TGFB2: variants seen among roughly 807,000 people sequenced by gnomAD.
TGFB2 encodes the protein transforming growth factor beta 2.
In TGFB2, 13 loss-of-function variants were observed where a neutral mutation model predicts 42.7. The observed-to-expected ratio is 0.30, with a 90% CI of 0.20 to 0.48. The LOEUF (loss-of-function observed/expected upper bound fraction) is 0.48. Among genes scored for constraint, TGFB2 ranks in the 20% least tolerant of loss-of-function variants. TGFB2 has a pLI of 0.99. For synonymous variants in TGFB2, 193 were observed against 193.6 expected, an observed-to-expected ratio of 1.00 and a Z score of 0.03; for missense variants, 390 against 517.5, an observed-to-expected ratio of 0.75 and a Z score of 2.39.
At chr1:218,397,640 A>C (rs1415616595) in intron 1 of TGFB2, among the ~76,000 whole-genome samples, 1 of 151,578 alleles carries the variant, frequency 6.6e-6, no homozygotes, top group African/African-American at 2.4e-5. Flanking sequence ...CTTCTGTCGT[A>C]TATTTCAGCA....
intron 2 of TGFB2, among the ~76,000 whole-genome samples, chr1:218,411,928 T>G (rs553370921): frequency 4.0e-5 from 6 of 151,306 alleles, no homozygotes; most frequent in Non-Finnish European, 8.8e-5. Flanking sequence ...CTTACTCTAT[T>G]AATCAAATGA....
intron 1 of TGFB2, among the ~76,000 whole-genome samples, chr1:218,390,148 C>T (rs1184235712): frequency 6.6e-6 from 1 of 152,134 alleles, no homozygotes; most frequent in African/African-American, 2.4e-5. Context: ...CACAGAACAG[C>T]CATTGACTTG....
chr1:218,412,339 C>A (rs778981525), intron 2 of TGFB2, among the ~76,000 whole-genome samples: 4 of 152,174 alleles, frequency 2.6e-5, no homozygotes, highest in African/African-American at 9.6e-5. Context: ...CTTTCGTGGG[C>A]AGACATGTAA....
intron 2 of TGFB2, among the ~76,000 whole-genome samples, chr1:218,412,988 A>G (rs1364701161): frequency 6.6e-6 from 1 of 152,220 alleles, no homozygotes; most frequent in Admixed American, 6.5e-5. Flanking sequence ...AGGTGTCTCC[A>G]TGTGGTCTTC....
chr1:218,421,715 T>C (rs1659461037), intron 2 of TGFB2, among the ~76,000 whole-genome samples: 1 of 152,108 alleles, frequency 6.6e-6, no homozygotes, highest in Non-Finnish European at 1.5e-5. Flanking sequence ...GATTTGAAAA[T>C]AGGCTCATTG....
At position 218,346,640 on chromosome 1, in the gene TGFB2, TG is replaced by T; in HGVS notation, c.-61del. ...TCTCCTTGATCTATACTTTGAGAAT[TG>T]TTGATTTCTTTTTTTTATTCTGACT... On this transcript the variant is annotated 5_prime_UTR_variant, in exon 1 of 7. Transcript: ENST00000366930. This position sits in a 1 kb window ranked among gnomAD's most constrained non-coding sequence, Gnocchi z 4.9. 8 of 1,425,982 alleles carry T rather than the reference TG, an allele frequency of 5.6e-6. No homozygotes were observed. The highest frequency in any genetic ancestry group is 7.6e-6 in the Non-Finnish European group (8 of 1,047,696). 88.3% of individuals were successfully genotyped at this position (1,425,982 alleles called of 1,614,324 possible).
At chr1:218,393,966 G>GCGCAATCT (rs1658404310) in intron 1 of TGFB2, among the ~76,000 whole-genome samples, 1 of 151,590 alleles carries the variant, frequency 6.6e-6, no homozygotes, top group African/African-American at 2.4e-5. Context: ...GAGTCCAGTG[G>GCGCAATCT]CGCAATCTCG....
At chr1:218,359,441 T>G (rs757953777) in intron 1 of TGFB2, among the ~76,000 whole-genome samples, 1 of 152,236 alleles carries the variant, frequency 6.6e-6, no homozygotes, top group African/African-American at 2.4e-5. Flanking sequence ...ACTTTTCTTC[T>G]ACGTAGAATG....
At chr1:218,437,268 G>T in intron 5 of TGFB2, 75 bp from the exon 6 acceptor site, 1 of 1,379,564 alleles carries the variant, frequency 7.2e-7, no homozygotes. Context: ...TCTGGTTTGG[G>T]GTGAGGTGGT....
intron 2 of TGFB2, among the ~76,000 whole-genome samples, chr1:218,422,022 T>G (rs959652301): frequency 5.3e-5 from 8 of 152,076 alleles, no homozygotes; most frequent in Non-Finnish European, 1.0e-4. Flanking sequence ...TGTGACAGGA[T>G]AAGTTAGTGT....
intron 1 of TGFB2, among the ~76,000 whole-genome samples, chr1:218,365,414 G>C (rs191568570): frequency 6.6e-6 from 1 of 152,182 alleles, no homozygotes; most frequent in Non-Finnish European, 1.5e-5. Flanking sequence ...GGTTATTTTC[G>C]GTCACTTAAT....
intron 1 of TGFB2, among the ~76,000 whole-genome samples, chr1:218,370,539 A>C (rs1311211810): frequency 6.6e-6 from 1 of 152,246 alleles, no homozygotes; most frequent in Non-Finnish European, 1.5e-5. Context: ...TAATGGGCCT[A>C]TTGTATATAA....
In TGFB2 at chr1:218,443,038, A is replaced by G. The variant is rs968237353; in HGVS notation, c.*1676A>G. On this transcript the variant is annotated 3_prime_UTR_variant, in exon 7 of 7. Transcript: ENST00000366930. ...TTAGTCGATTTTTCAAAAGGGGAAA[A>G]AAGTCCAGGTCAGCATAAGTCATTT... 1.3e-5 allele frequency: 2 copies of G among 152,208 alleles called. No homozygotes were observed. The highest frequency in any genetic ancestry group is 4.8e-5 in the African/African-American group (2 of 41,474). 9.4% of individuals were successfully genotyped at this position (152,208 alleles called of 1,614,324 possible).
At chr1:218,399,947 T>C (rs2102589039) in intron 1 of TGFB2, among the ~76,000 whole-genome samples, 1 of 152,256 alleles carries the variant, frequency 6.6e-6, no homozygotes, top group East Asian at 1.9e-4. Flanking sequence ...ATCCTGACAA[T>C]ATGACCCAAT....
intron 1 of TGFB2, among the ~76,000 whole-genome samples, chr1:218,401,659 C>T (rs934479526): frequency 2.0e-5 from 3 of 152,138 alleles, no homozygotes; most frequent in East Asian, 1.9e-4. Flanking sequence ...AACTGGGATG[C>T]GCATTACAGA....
intron 1 of TGFB2, among the ~76,000 whole-genome samples, chr1:218,394,269 C>G (rs1658422544): frequency 6.6e-6 from 1 of 152,108 alleles, no homozygotes; most frequent in African/African-American, 2.4e-5. Flanking sequence ...GCTTTTACTG[C>G]TAACACCCAG....
At chr1:218,395,292 C>T (rs544989491) in intron 1 of TGFB2, among the ~76,000 whole-genome samples, 57 of 152,206 alleles carry the variant, frequency 3.7e-4, no homozygotes, top group Non-Finnish European at 7.1e-4. Context: ...ACATCAGGTG[C>T]GTTCTCTTAG....
Position 218,414,227 on chromosome 1 carries a change from GCACACA to G in TGFB2, c.510+8917_510+8922del, listed in dbSNP as rs5781033. The stretch of plus-strand genomic sequence containing the variant: ...CTTTTTCCTAACCCTAAACACATGT[GCACACA>G]CACACACACACACACACACACGCAC... On this transcript the variant is annotated intron_variant, in intron 2 of 6. Transcript: ENST00000366930. Among the ~76,000 whole-genome samples the G allele has an allele frequency of 1.0e-4, 15 of 145,876 alleles. No homozygotes were observed. The East Asian group carries it at 2.8e-3, about 27-fold the overall frequency.
intron 2 of TGFB2, among the ~76,000 whole-genome samples, chr1:218,408,167 T>C (rs1797071): frequency 0.44 from 66,891 of 151,970 alleles, 15,630 homozygotes; most frequent in African/African-American, 0.59. Flanking sequence ...GCTAAGTCCC[T>C]ATTTTTCTGT....
Sources: allele counts gnomAD v4.1 joint callset (sites outside exome capture counted in the v4.1 genomes callset), GRCh38; gene constraint gnomAD v4.1.1; non-coding constraint Gnocchi (gnomAD v3.1); transcripts MANE v1.5; gene names NCBI Gene and HGNC (gene_info 2026-07-23, HGNC 2026-07-21).